The following GALNT18 variants were observed in gnomAD, a reference collection of about 807,000 sequenced individuals.
GALNT18 encodes the protein polypeptide N-acetylgalactosaminyltransferase 18.
A neutral mutation model predicts 69.5 loss-of-function variants in GALNT18; 44 were observed. The ratio of observed to expected loss-of-function variants is 0.63; its 90% CI spans 0.50 to 0.81. The LOEUF (loss-of-function observed/expected upper bound fraction) is 0.81, where lower values mean the gene tolerates loss of function less well. GALNT18 is among the 40% of genes least tolerant of loss of function. GALNT18 has a pLI of 0.00. For missense variants in GALNT18, 715 were observed against 810.0 expected (o/e 0.88, Z 1.42); for synonymous variants, 364 against 318.2 (o/e 1.14, Z -1.53).
At chr11:11,385,546 C>T (rs554693821) in intron 3 of GALNT18, among the ~76,000 whole-genome samples, 3 of 152,196 alleles carry the variant, frequency 2.0e-5, no homozygotes, top group African/African-American at 2.4e-5. Context: ...CTGCCCGCCT[C>T]GGCCTCCCAA....
At chr11:11,544,438 A>G (rs1259806856) in intron 1 of GALNT18, among the ~76,000 whole-genome samples, 1 of 152,224 alleles carries the variant, frequency 6.6e-6, no homozygotes, top group African/African-American at 2.4e-5. Context: ...TGTTTATTCA[A>G]ACAAAAATCA....
At chr11:11,305,178 T>C (rs1322910137) in intron 9 of GALNT18, among the ~76,000 whole-genome samples, 2 of 90,884 alleles carry the variant, frequency 2.2e-5, no homozygotes, top group Admixed American at 1.6e-4. Flanking sequence ...ATATCTTAGT[T>C]GGCCTGCAAT....
rs961049723 is a variant in GALNT18, at chr11:11,598,937, G to A, written c.235+22422C>T. Among the ~76,000 whole-genome samples the A allele has an allele frequency of 6.6e-6, 1 of 151,980 alleles. No individual in the cohort carries two copies. Among genetic ancestry groups the A allele is most frequent in the Admixed American group, 6.6e-5 (1 of 15,252 alleles). On this transcript the variant is annotated intron_variant, in intron 1 of 10. Coordinates refer to ENST00000227756, the MANE Select transcript of GALNT18 (RefSeq NM_198516.3). This position sits in a 1 kb window ranked among gnomAD's most constrained non-coding sequence, Gnocchi z 4.8. ...GGTTCAATTACATTTCACGTGGCCA[G>A]AGAATGTACTTTGTTCATTTTAAAG...
intron 5 of GALNT18, among the ~76,000 whole-genome samples, chr11:11,376,057 G>A (rs1294072133): frequency 6.6e-6 from 1 of 152,074 alleles, no homozygotes; most frequent in Non-Finnish European, 1.5e-5. Flanking sequence ...GACTTCGCAG[G>A]GAACATAAAG....
At chr11:11,467,827 T>G (rs1273656768) in intron 1 of GALNT18, among the ~76,000 whole-genome samples, 1 of 152,214 alleles carries the variant, frequency 6.6e-6, no homozygotes, top group African/African-American at 2.4e-5. Flanking sequence ...GATTCCAATA[T>G]GCAGCCAAGA....
rs528911750 is a variant in GALNT18 at position 11,415,807 on chromosome 11, C to T, written c.595+16814G>A. The stretch of plus-strand genomic sequence containing the variant: ...AGGGTGGGATTTGTTTTTCCTGCCA[C>T]GTAGAATTCAGGAATTCAGCAAGCA... On this transcript the variant is annotated intron_variant, in intron 3 of 10. Transcript: ENST00000227756. This position sits in a 1 kb window ranked among gnomAD's most constrained non-coding sequence, Gnocchi z 4.1. Among the ~76,000 whole-genome samples the T allele has an allele frequency of 1.1e-4, 17 of 152,238 alleles. No individual in the cohort carries two copies. The highest frequency in any genetic ancestry group is 1.9e-4 in the African/African-American group (8 of 41,548).
chr11:11,586,856 C>T lies in GALNT18; in HGVS notation c.235+34503G>A, dbSNP rs1388949551. Among the ~76,000 whole-genome samples, 3 of 151,776 alleles carry T rather than the reference C, an allele frequency of 2.0e-5. No individual in the cohort carries two copies. The highest frequency in any genetic ancestry group is 1.9e-4 in the East Asian group (1 of 5,170). ...CACAAAAAAAAGCCAGGTGTGGTGG[C>T]GGGCGTCTGTAATCCCAGCTACTCA... On this transcript the variant is annotated intron_variant, in intron 1 of 10. Transcript: ENST00000227756. The surrounding 1 kb of genome is among the most constrained non-coding windows in gnomAD (Gnocchi z 4.1).
At position 11,347,440 on chromosome 11, in the gene GALNT18, C is replaced by A. The variant is rs1850323020; in HGVS notation, c.1093-6436G>T. On this transcript the variant is annotated intron_variant, in intron 6 of 10. Coordinates refer to ENST00000227756, the MANE Select transcript of GALNT18 (RefSeq NM_198516.3). The surrounding 1 kb of genome is among the most constrained non-coding windows in gnomAD (Gnocchi z 4.0). ...TGCTTGTTAATATCCTTCTGAAGCA[C>A]TGTGTTGGGAAGAATTCTGAGGCTC... 6.6e-6 allele frequency among the ~76,000 whole-genome samples: 1 copy of A among 152,136 alleles called. No homozygotes were observed. Among genetic ancestry groups the A allele is most frequent in the South Asian group, 2.1e-4 (1 of 4,814 alleles).
rs1860149592 is a variant in GALNT18 at position 11,620,027 on chromosome 11, G to A, written c.235+1332C>T. 6.6e-6 allele frequency among the ~76,000 whole-genome samples: 1 copy of A among 151,932 alleles called. No homozygotes were observed. Among genetic ancestry groups the A allele is most frequent in the Non-Finnish European group, 1.5e-5 (1 of 68,004 alleles). On this transcript the variant is annotated intron_variant, in intron 1 of 10. Coordinates refer to ENST00000227756, the MANE Select transcript of GALNT18 (RefSeq NM_198516.3). The surrounding 1 kb of genome is among the most constrained non-coding windows in gnomAD (Gnocchi z 6.9). ...GGAAAGGAACTATTCTGGACACCTG[G>A]GGAAACACCAAATTCAGACGGAGGA...
At position 11,480,505 on chromosome 11, in the gene GALNT18, T is replaced by G. The variant is rs767010911; in HGVS notation, c.236-31569A>C. ...CTGCCTTCTGAGCTGCAGTGGTCCA[T>G]GAAGCACGTTGTGAACGTATCAGAC... On this transcript the variant is annotated intron_variant, in intron 1 of 10. Coordinates refer to ENST00000227756, the MANE Select transcript of GALNT18 (RefSeq NM_198516.3). This position sits in a 1 kb window ranked among gnomAD's most constrained non-coding sequence, Gnocchi z 4.6. 6.6e-6 allele frequency among the ~76,000 whole-genome samples: 1 copy of G among 152,188 alleles called. No homozygotes were observed. Among genetic ancestry groups the G allele is most frequent in the Non-Finnish European group, 1.5e-5 (1 of 68,036 alleles).
At chr11:11,316,135 T>A (rs139481653) in intron 9 of GALNT18, among the ~76,000 whole-genome samples, 1 of 152,298 alleles carries the variant, frequency 6.6e-6, no homozygotes, top group Non-Finnish European at 1.5e-5. Context: ...ATTACCTGGT[T>A]GGGGTTCCCC....
At chr11:11,448,684 C>G in intron 2 of GALNT18, 60 bp downstream of exon 2, 1 of 1,441,540 alleles carries the variant, frequency 6.9e-7, no homozygotes, top group African/African-American at 1.4e-5. Context: ...TCCCAGCACT[C>G]TGGGGACCCC....
At chr11:11,569,205 C>G (rs1858724852) in intron 1 of GALNT18, among the ~76,000 whole-genome samples, 1 of 146,452 alleles carries the variant, frequency 6.8e-6, no homozygotes, top group Non-Finnish European at 1.5e-5. Context: ...ACAGCTTCCT[C>G]TATTTCTCCA....
rs80042749 is a variant in GALNT18 at position 11,421,575 on chromosome 11, C to A, written c.595+11046G>T. Reference sequence around the variant, plus strand: ...AGCAAGATTCCATTCCATCAGAGAACAGCAAGTTGACAGGAAACAGAGGCA... The same window carrying A: ...AGCAAGATTCCATTCCATCAGAGAAAAGCAAGTTGACAGGAAACAGAGGCA... On this transcript the variant is annotated intron_variant, in intron 3 of 10. Transcript: ENST00000227756. This position sits in a 1 kb window ranked among gnomAD's most constrained non-coding sequence, Gnocchi z 5.6. Among the ~76,000 whole-genome samples the A allele has an allele frequency of 4.7e-3, 722 of 152,220 alleles. 8 individuals are homozygous for A. Among genetic ancestry groups the A allele is most frequent in the African/African-American group, 0.017 (704 of 41,538 alleles).
chr11:11,285,120 G>C (rs567331870), intron 10 of GALNT18, among the ~76,000 whole-genome samples: 224 of 152,026 alleles, frequency 1.5e-3, no homozygotes, highest in African/African-American at 5.0e-3. Context: ...TAGGGATCCA[G>C]CCAGTCCACA....
intron 1 of GALNT18, among the ~76,000 whole-genome samples, chr11:11,483,351 C>G (rs535832233): frequency 2.0e-5 from 3 of 152,218 alleles, no homozygotes; most frequent in Non-Finnish European, 4.4e-5. Flanking sequence ...TGTCCTCAGT[C>G]ATAGCACAGC....
intron 9 of GALNT18, among the ~76,000 whole-genome samples, chr11:11,298,384 A>G (rs1266370142): frequency 6.6e-6 from 1 of 152,258 alleles, no homozygotes; most frequent in African/African-American, 2.4e-5. Flanking sequence ...AAACTTGTGA[A>G]GACACTCAGG....
intron 6 of GALNT18, among the ~76,000 whole-genome samples, chr11:11,365,304 T>C (rs1433848463): frequency 6.6e-6 from 1 of 152,222 alleles, no homozygotes; most frequent in East Asian, 1.9e-4. Flanking sequence ...GCTTCATCCA[T>C]GTCCCCACAA....
intron 1 of GALNT18, among the ~76,000 whole-genome samples, chr11:11,513,715 T>C (rs1857209261): frequency 6.6e-6 from 1 of 152,254 alleles, no homozygotes; most frequent in African/African-American, 2.4e-5. Flanking sequence ...CCCGGGACGT[T>C]TACATAGGTC....
Sources: allele counts gnomAD v4.1 joint callset (sites outside exome capture counted in the v4.1 genomes callset), GRCh38; gene constraint gnomAD v4.1.1; non-coding constraint Gnocchi (gnomAD v3.1); transcripts MANE v1.5; gene names NCBI Gene and HGNC (gene_info 2026-07-23, HGNC 2026-07-21).